Variants in KLF8 observed in about 807,000 individuals in gnomAD.
KLF8 encodes Krueppel-like factor 8.
Under a neutral mutation model 18.2 loss-of-function variants are expected in KLF8, and 10 were observed. That is an observed-to-expected ratio of 0.55 (90% confidence interval 0.34 to 0.93). The LOEUF (loss-of-function observed/expected upper bound fraction) is 0.93. Among genes scored for constraint, KLF8 ranks in the 40% least tolerant of loss-of-function variants. The pLI is 0.02. For missense variants in KLF8, 264 were observed against 277.9 expected, an observed-to-expected ratio of 0.95 and a Z score of 0.36; for synonymous variants, 109 against 97.3, an observed-to-expected ratio of 1.12 and a Z score of -0.71.
chrX:55,968,354 A>G, the KLF8 span, among the ~76,000 whole-genome samples: 1 of 112,271 alleles, frequency 8.9e-6, no homozygotes, highest in Non-Finnish European at 1.9e-5. Context: ...TACAAGAAAT[A>G]TACTTCTCCT....
At chrX:55,917,464 A>T in the KLF8 span, among the ~76,000 whole-genome samples, 1 of 112,052 alleles carries the variant, frequency 8.9e-6, no homozygotes. Context: ...TACTAAGTGC[A>T]AGACACTATT....
chrX:56,021,615 TAC>T, the KLF8 span, among the ~76,000 whole-genome samples: 1 of 107,551 alleles, frequency 9.3e-6, no homozygotes, highest in African/African-American at 3.4e-5. Flanking sequence ...ACTCCAAAAA[TAC>T]AGTTTTTCCC....
chrX:56,007,511 G>T, the KLF8 span, among the ~76,000 whole-genome samples: 1 of 111,365 alleles, frequency 9.0e-6, no homozygotes, highest in African/African-American at 3.3e-5. Flanking sequence ...TCTCTTGCTT[G>T]CTTTTCTTCC....
chrX:56,162,333 G>A, the KLF8 span, among the ~76,000 whole-genome samples: 1 of 112,044 alleles, frequency 8.9e-6, no homozygotes, highest in Admixed American at 9.4e-5. Context: ...AGAGTTTTCT[G>A]CTGCCTTTTG....
At chrX:56,146,460 G>A in the KLF8 span, among the ~76,000 whole-genome samples, 1 of 111,298 alleles carries the variant, frequency 9.0e-6, no homozygotes, top group Non-Finnish European at 1.9e-5. Context: ...ACTAACACAA[G>A]AACAGAAAAT....
chrX:55,962,744 A>G, the KLF8 span, among the ~76,000 whole-genome samples: 5 of 112,577 alleles, frequency 4.4e-5, no homozygotes, highest in Non-Finnish European at 9.4e-5. Flanking sequence ...AACTTTTCTC[A>G]AAGAGTTTAT....
the KLF8 span, among the ~76,000 whole-genome samples, chrX:55,943,918 G>C: frequency 8.9e-6 from 1 of 111,956 alleles, no homozygotes; most frequent in Admixed American, 9.5e-5. Context: ...GATGTTTGCA[G>C]ATAAAATTAT....
chrX:56,111,750 A>G, the KLF8 span, among the ~76,000 whole-genome samples: 11 of 112,500 alleles, frequency 9.8e-5, no homozygotes, highest in Admixed American at 3.8e-4. Flanking sequence ...ATCACTCGCC[A>G]TTAGAGAAAT....
the KLF8 span, among the ~76,000 whole-genome samples, chrX:56,072,891 T>C: frequency 8.9e-6 from 1 of 111,802 alleles, no homozygotes; most frequent in Admixed American, 9.5e-5. Context: ...AACTCTAATC[T>C]ACTTTCTGAT....
chrX:55,998,509 C>T, the KLF8 span, among the ~76,000 whole-genome samples: 3 of 112,470 alleles, frequency 2.7e-5, no homozygotes, highest in Admixed American at 1.9e-4. Flanking sequence ...AGCGTGTTGC[C>T]TTCAAGCATC....
the KLF8 span, among the ~76,000 whole-genome samples, chrX:55,990,756 G>T: frequency 1.7e-4 from 19 of 112,265 alleles, no homozygotes; most frequent in African/African-American, 5.8e-4. Context: ...GGAGGTTGCT[G>T]GAGGTCCACT....
chrX:56,169,552 T>G, the KLF8 span, among the ~76,000 whole-genome samples: 1 of 111,469 alleles, frequency 9.0e-6, no homozygotes, highest in Non-Finnish European at 1.9e-5. Context: ...AGTTTGGCAG[T>G]ACTCTCTGTG....
chrX:56,114,829 G>A, the KLF8 span, among the ~76,000 whole-genome samples: 1 of 112,407 alleles, frequency 8.9e-6, no homozygotes, highest in African/African-American at 3.2e-5. Context: ...ACAGATCAAA[G>A]GTAGCATAAT....
chrX:56,250,360 T>A, intron 2 of KLF8, 56 bp downstream of exon 2: 5 of 829,867 alleles, frequency 6.0e-6, no homozygotes, highest in Non-Finnish European at 8.9e-6. Context: ...ATTGAATACC[T>A]GGTAGTGATT....
the KLF8 span, chrX:56,015,132 A>G: frequency 9.0e-6 from 1 of 111,293 alleles, no homozygotes; most frequent in Non-Finnish European, 1.9e-5. Context: ...CATTCAGCAC[A>G]TGTACCCCTG....
chrX:56,093,621 A>G, the KLF8 span, among the ~76,000 whole-genome samples: 7 of 110,799 alleles, frequency 6.3e-5, no homozygotes, highest in African/African-American at 2.0e-4. Context: ...AAAAAGGAGT[A>G]TTAGAGGAAA....
At chrX:56,097,358 T>C in the KLF8 span, among the ~76,000 whole-genome samples, 119 of 104,041 alleles carry the variant, frequency 1.1e-3, no homozygotes, top group African/African-American at 4.1e-3. Flanking sequence ...TTTTTTTTTT[T>C]CTGAGGCAGG....
the KLF8 span, among the ~76,000 whole-genome samples, chrX:56,035,138 C>T: frequency 8.9e-6 from 1 of 111,866 alleles, no homozygotes; most frequent in South Asian, 3.7e-4. Context: ...GCTTCCCAGC[C>T]TCTGGTATCC....
chrX:56,009,339 C>T, the KLF8 span, among the ~76,000 whole-genome samples: 1 of 111,217 alleles, frequency 9.0e-6, no homozygotes, highest in East Asian at 2.8e-4. Context: ...CCCTAGCAAA[C>T]TTCAGCAGGC....
Sources: gnomAD v4.1 joint callset for allele counts (sites outside exome capture counted in the v4.1 genomes callset) on GRCh38, gnomAD v4.1.1 for gene constraint, MANE v1.5 for transcripts, NCBI Gene and HGNC (gene_info 2026-07-23, HGNC 2026-07-21) for gene names.